Variants in KIAA0513 observed in about 807,000 individuals in gnomAD.
KIAA0513 encodes uncharacterized protein KIAA0513.
KIAA0513 carries 39 observed loss-of-function variants against 56.5 expected under a neutral mutation model. That is an observed-to-expected ratio of 0.69 (90% confidence interval 0.53 to 0.90). KIAA0513 has a LOEUF of 0.90. KIAA0513 is among the 40% of genes least tolerant of loss of function. The pLI is 0.00. For synonymous variants in KIAA0513, 268 were observed against 215.6 expected, an observed-to-expected ratio of 1.24 and a Z score of -2.13; for missense variants, 591 against 535.2, an observed-to-expected ratio of 1.10 and a Z score of -1.03.
At chr16:85,049,373 T>C (rs1370339202) in intron 1 of KIAA0513, among the ~76,000 whole-genome samples, 1 of 152,022 alleles carries the variant, frequency 6.6e-6, no homozygotes, top group African/African-American at 2.4e-5. Flanking sequence ...ACGGTGGAGG[T>C]TGGTTCCGTT....
chr16:85,036,105 A>C (rs1052424187), intron 1 of KIAA0513, among the ~76,000 whole-genome samples: 1 of 151,922 alleles, frequency 6.6e-6, no homozygotes, highest in Non-Finnish European at 1.5e-5. Flanking sequence ...ATGAACCACC[A>C]CACCTGGCCT....
chr16:85,082,328 G>T (rs185936925), intron 9 of KIAA0513, among the ~76,000 whole-genome samples: 1 of 152,106 alleles, frequency 6.6e-6, no homozygotes, highest in Non-Finnish European at 1.5e-5. Context: ...GAGAGACCCC[G>T]CTGTGCCAGG....
Position 85,078,421 on chromosome 16 carries a change from C to T in KIAA0513, c.789C>T (p.Asp263=), listed in dbSNP as rs772769000. ...TGTGCCTTCTCTCCCTCAGGGAAGACGAGAACAAACCCCAGGAGAAGCGGC... is the reference window on the plus strand; with the variant it reads ...TGTGCCTTCTCTCCCTCAGGGAAGATGAGAACAAACCCCAGGAGAAGCGGC... ...KGPLARRNEE[D]ENKPQEKRPR... The change falls in exon 7 of 13, where the codon GAC becomes GAT. Residue 263 remains aspartate (D), a synonymous_variant. Coordinates refer to ENST00000683363, the MANE Select transcript of KIAA0513 (RefSeq NM_001388359.1). 1.7e-5 allele frequency: 28 copies of T among 1,613,852 alleles called. No individual in the cohort carries two copies. The highest frequency in any genetic ancestry group is 4.0e-5 in the African/African-American group (3 of 74,920).
rs1488730197 is a variant in KIAA0513 at position 85,055,240 on chromosome 16, TTTTG to T, written c.-172-11651_-172-11648del. Reference sequence around the variant, plus strand: ...CCCCCAGCCTCTTTTTGTGGTTTTTTTTTGTTTGTTTGATTGCTTAAAAATAGAA... The same window carrying T: ...CCCCCAGCCTCTTTTTGTGGTTTTTTTTTGTTTGATTGCTTAAAAATAGAA... On this transcript the variant is annotated intron_variant, in intron 1 of 12. Transcript: ENST00000683363. 3.3e-5 allele frequency among the ~76,000 whole-genome samples: 5 copies of T among 152,244 alleles called. No homozygotes were observed. The East Asian group carries it at 5.8e-4, about 18-fold the overall frequency.
intron 2 of KIAA0513, among the ~76,000 whole-genome samples, chr16:85,070,433 C>T (rs1459947467): frequency 6.6e-6 from 1 of 152,090 alleles, no homozygotes; most frequent in African/African-American, 2.4e-5. Flanking sequence ...AATCCCAGCA[C>T]TTTGGGAGGC....
chr16:85,058,410 TAGGG>T (rs2073359096), intron 1 of KIAA0513, among the ~76,000 whole-genome samples: 1 of 152,194 alleles, frequency 6.6e-6, no homozygotes, highest in Non-Finnish European at 1.5e-5. Context: ...TCCCAGCACT[TAGGG>T]AGGCCGAAGC....
rs1321815217 is a variant in KIAA0513 at position 85,093,661 on chromosome 16, C to T, written c.*5336C>T. 6.6e-6 allele frequency: 1 copy of T among 152,338 alleles called. No individual in the cohort carries two copies. Among genetic ancestry groups the T allele is most frequent in the Non-Finnish European group, 1.5e-5 (1 of 68,060 alleles). The allele number at this position is 152,338 out of a possible 1,614,324, so 9.4% of individuals were successfully genotyped here. ...AGGTGCAGCCCTAAGGGGTGGACTC[C>T]AGATCTCCCTGCAAGAGACAGCTTG... is the stretch of plus-strand genomic sequence containing the variant. On this transcript the variant is annotated 3_prime_UTR_variant, in exon 13 of 13. Transcript: ENST00000683363.
intron 1 of KIAA0513, among the ~76,000 whole-genome samples, chr16:85,059,995 C>A (rs1355412944): frequency 6.6e-6 from 1 of 152,232 alleles, no homozygotes. Flanking sequence ...GAGTCTCATT[C>A]TGTTGCCCAG....
chr16:85,066,865 T>A (rs1217624598), intron 1 of KIAA0513, 35 bp from the exon 2 acceptor site: 1 of 477,164 alleles, frequency 2.1e-6, no homozygotes, highest in South Asian at 4.0e-5. Context: ...TGGTGAGGAG[T>A]GGCGCTAATG....
At chr16:85,080,330 ATGGT>A (rs1473465856) in intron 8 of KIAA0513, among the ~76,000 whole-genome samples, 1 of 152,204 alleles carries the variant, frequency 6.6e-6, no homozygotes, top group African/African-American at 2.4e-5. Context: ...TGCGGGCCAG[ATGGT>A]CTCTGCTGCA....
At chr16:85,035,032 C>T (rs181895487) in intron 1 of KIAA0513, among the ~76,000 whole-genome samples, 2 of 152,330 alleles carry the variant, frequency 1.3e-5, no homozygotes, top group Admixed American at 6.5e-5. Context: ...CTACCTCTGC[C>T]CCCCTTCCCC....
chr16:85,086,498 G>T (rs967934237), intron 10 of KIAA0513, 146 bp from the exon 11 acceptor site: 3 of 743,666 alleles, frequency 4.0e-6, no homozygotes, highest in African/African-American at 3.5e-5. Context: ...CCCAGCACAC[G>T]GCTCTCCGGT....
intron 1 of KIAA0513, among the ~76,000 whole-genome samples, chr16:85,039,152 C>A (rs2073073697): frequency 6.6e-6 from 1 of 152,308 alleles, no homozygotes. Flanking sequence ...AAACACAAAC[C>A]CTCAATTCTC....
At chr16:85,040,750 A>G (rs151035497) in intron 1 of KIAA0513, among the ~76,000 whole-genome samples, 1 of 152,236 alleles carries the variant, frequency 6.6e-6, no homozygotes, top group African/African-American at 2.4e-5. Context: ...CCTGCAGCCA[A>G]AGCGTTTTGA....
chr16:85,080,199 C>T (rs943132493), intron 8 of KIAA0513, among the ~76,000 whole-genome samples: 2 of 152,186 alleles, frequency 1.3e-5, no homozygotes, highest in Non-Finnish European at 2.9e-5. Flanking sequence ...GAAGCTGGCC[C>T]GCTTTGTCCC....
chr16:85,047,716 C>T (rs1208679487), intron 1 of KIAA0513, among the ~76,000 whole-genome samples: 2 of 152,144 alleles, frequency 1.3e-5, no homozygotes, highest in African/African-American at 4.8e-5. Context: ...TGTCTCAGAA[C>T]CAGGTGACCC....
chr16:85,051,279 T>G (rs1484249832), intron 1 of KIAA0513, among the ~76,000 whole-genome samples: 1 of 152,226 alleles, frequency 6.6e-6, no homozygotes, highest in Non-Finnish European at 1.5e-5. Context: ...TATCTCTTTT[T>G]TTCTGTGAAC....
chr16:85,081,368 G>A lies in KIAA0513; in HGVS notation c.956G>A (p.Arg319Lys). ...AAFFDAVHCE[R>K]TKRSPTTRGD... is the part of the protein sequence containing the mutation. Reference sequence around the variant, plus strand: ...TTTTTTGACGCTGTCCATTGTGAGAGGACAAAGCGATCTCCCACTACCAGG... The same window carrying A: ...TTTTTTGACGCTGTCCATTGTGAGAAGACAAAGCGATCTCCCACTACCAGG... Residue 319 changes from arginine (R) to lysine (K), a missense_variant, in exon 9 of 13, where the codon AGG (arginine) becomes AAG (lysine). Coordinates refer to ENST00000683363, the MANE Select transcript of KIAA0513 (RefSeq NM_001388359.1). This position sits in a 1 kb window ranked among gnomAD's most constrained non-coding sequence, Gnocchi z 4.4. 6.3e-7 allele frequency: 1 copy of A among 1,580,642 alleles called. No individual in the cohort carries two copies. The highest frequency in any genetic ancestry group is 8.6e-7 in the Non-Finnish European group (1 of 1,162,932).
chr16:85,034,314 A>G (rs1307697083), intron 1 of KIAA0513, among the ~76,000 whole-genome samples: 1 of 152,162 alleles, frequency 6.6e-6, no homozygotes, highest in African/African-American at 2.4e-5. Flanking sequence ...TGGGGGGTGG[A>G]GGCTGCAATG....
Sources: allele counts gnomAD v4.1 joint callset (sites outside exome capture counted in the v4.1 genomes callset), GRCh38; gene constraint gnomAD v4.1.1; non-coding constraint Gnocchi (gnomAD v3.1); transcripts MANE v1.5; gene names NCBI Gene and HGNC (gene_info 2026-07-23, HGNC 2026-07-21).